The following ARID1B variants were observed in gnomAD, a reference collection of about 807,000 sequenced individuals.
ARID1B encodes AT-rich interaction domain 1B.
Under a neutral mutation model 212.3 loss-of-function variants are expected in ARID1B, and 30 were observed. The observed-to-expected ratio is 0.14, with a 90% CI of 0.11 to 0.19. The LOEUF (loss-of-function observed/expected upper bound fraction) is 0.19, where lower values mean the gene tolerates loss of function less well. Ranked by LOEUF, ARID1B falls within the 10% of genes least tolerant of loss-of-function variation. ARID1B has a pLI of 1.00. For missense variants in ARID1B, 2,891 were observed against 3,204.0 expected (o/e 0.90, Z 2.36); for synonymous variants, 1,402 against 1,301.7 (o/e 1.08, Z -1.66).
chr6:157,099,858 CTTG>C (rs1785942439), intron 5 of ARID1B, among the ~76,000 whole-genome samples: 1 of 152,166 alleles, frequency 6.6e-6, no homozygotes, highest in South Asian at 2.1e-4. Flanking sequence ...TGGGAGCTGT[CTTG>C]TTCTCTCAAG....
intron 4 of ARID1B, among the ~76,000 whole-genome samples, chr6:157,075,720 C>T (rs1784261761): frequency 6.6e-6 from 1 of 152,212 alleles, no homozygotes; most frequent in African/African-American, 2.4e-5. Flanking sequence ...CGCTATGGTA[C>T]GATATGAAGG....
intron 2 of ARID1B, among the ~76,000 whole-genome samples, chr6:156,880,044 G>T (rs757042133): frequency 6.6e-6 from 1 of 152,208 alleles, no homozygotes; most frequent in Non-Finnish European, 1.5e-5. Flanking sequence ...TGGGAGCCCA[G>T]ATGCCCCCTG....
intron 2 of ARID1B, among the ~76,000 whole-genome samples, chr6:156,881,225 G>A (rs1006590984): frequency 7.2e-5 from 11 of 152,112 alleles, no homozygotes; most frequent in African/African-American, 2.4e-5. Context: ...TGTTAATTAC[G>A]GCTCACTCAG....
chr6:156,922,462 A>G (rs1014312743), intron 3 of ARID1B, among the ~76,000 whole-genome samples: 1 of 152,264 alleles, frequency 6.6e-6, no homozygotes, highest in Admixed American at 6.5e-5. Flanking sequence ...GTGAGTCACC[A>G]TGCCTGGCCT....
rs74588204 is a variant in ARID1B, at chr6:157,065,801, C to T, written c.2248-18861C>T. Among the ~76,000 whole-genome samples, 1,348 of 152,282 alleles carry T rather than the reference C, an allele frequency of 8.9e-3. 24 individuals are homozygous for T. Among genetic ancestry groups the T allele is most frequent in the African/African-American group, 0.031 (1,298 of 41,546 alleles). On this transcript the variant is annotated intron_variant, in intron 4 of 19. Coordinates refer to ENST00000636930, the MANE Select transcript of ARID1B (RefSeq NM_001374828.1). The stretch of plus-strand genomic sequence containing the variant: ...TGGTTTATATTCTCTAATGCCATGA[C>T]AAATGACTATGCTGTCATTGTGTAG...
intron 4 of ARID1B, among the ~76,000 whole-genome samples, chr6:157,029,021 C>T (rs1780851129): frequency 6.6e-6 from 1 of 152,184 alleles, no homozygotes; most frequent in Non-Finnish European, 1.5e-5. Flanking sequence ...GAAGTCATTA[C>T]CTCTTAACTC....
At chr6:157,176,347 T>C (rs1360879187) in intron 11 of ARID1B, among the ~76,000 whole-genome samples, 2 of 152,210 alleles carry the variant, frequency 1.3e-5, no homozygotes, top group Non-Finnish European at 2.9e-5. Flanking sequence ...GCTTTGAGTC[T>C]CAGAAGGCAG....
intron 2 of ARID1B, among the ~76,000 whole-genome samples, chr6:156,832,310 G>C (rs1783197513): frequency 6.6e-6 from 1 of 152,160 alleles, no homozygotes; most frequent in South Asian, 2.1e-4. Context: ...ATTGGCTGCT[G>C]GTCCCATCCA....
chr6:157,053,756 T>C (rs952807130), intron 4 of ARID1B, among the ~76,000 whole-genome samples: 1 of 152,174 alleles, frequency 6.6e-6, no homozygotes, highest in Non-Finnish European at 1.5e-5. Context: ...TGATTTATTA[T>C]GATAGCATGA....
intron 9 of ARID1B, chr6:157,169,564 A>G (rs549065691): frequency 1.1e-3 from 166 of 152,328 alleles, no homozygotes; most frequent in African/African-American, 3.9e-3. Context: ...TCAATTATTT[A>G]GATTAAAAGG....
intron 2 of ARID1B, chr6:156,829,687 G>T: frequency 2.7e-6 from 1 of 369,024 alleles, no homozygotes; most frequent in South Asian, 5.0e-5. Flanking sequence ...TCATAAATTT[G>T]CAGCAGGTTA....
At chr6:156,986,879 T>TAGGTCTC (rs1777951746) in intron 4 of ARID1B, among the ~76,000 whole-genome samples, 21 of 152,146 alleles carry the variant, frequency 1.4e-4, no homozygotes, top group Non-Finnish European at 2.8e-4. Context: ...ATGTACTTTG[T>TAGGTCTC]ATTAATAAAA....
intron 1 of ARID1B, among the ~76,000 whole-genome samples, chr6:156,812,481 A>G (rs73790924): frequency 0.016 from 2,463 of 151,658 alleles, 68 homozygotes; most frequent in African/African-American, 0.057. Flanking sequence ...TTATAAGCTT[A>G]TTTTTGCAGT....
At chr6:156,812,933 G>GGGGT (rs758647303) in intron 1 of ARID1B, among the ~76,000 whole-genome samples, 4 of 89,436 alleles carry the variant, frequency 4.5e-5, no homozygotes, top group South Asian at 8.2e-4. Flanking sequence ...TATAATCCTG[G>GGGGT]GTGTGTGTGT....
At chr6:157,178,384 G>T (rs1175116747) in intron 11 of ARID1B, among the ~76,000 whole-genome samples, 1 of 152,210 alleles carries the variant, frequency 6.6e-6, no homozygotes, top group Non-Finnish European at 1.5e-5. Flanking sequence ...AGTCGGAAAA[G>T]TGGGTGTCAG....
intron 4 of ARID1B, among the ~76,000 whole-genome samples, chr6:156,992,371 T>C (rs79374694): frequency 0.018 from 2,724 of 152,322 alleles, 37 homozygotes; most frequent in Non-Finnish European, 0.027. Context: ...TATGTTAATA[T>C]CTCGTCATCT....
chr6:156,979,545 A>G (rs550474204), intron 4 of ARID1B, among the ~76,000 whole-genome samples: 1 of 150,574 alleles, frequency 6.6e-6, no homozygotes, highest in African/African-American at 2.5e-5. Context: ...AACATGAATT[A>G]TTTGAATCAG....
chr6:157,182,134 A>G (rs1792591102), intron 12 of ARID1B, among the ~76,000 whole-genome samples: 1 of 152,178 alleles, frequency 6.6e-6, no homozygotes, highest in African/African-American at 2.4e-5. Flanking sequence ...CTACAGTCCC[A>G]GCTGTTCAGG....
In ARID1B at chr6:157,210,023, T is replaced by C. The variant is rs1420140086; in HGVS notation, c.*2132T>C. ...TGTCGGTTCACATTACTCACAGTAA[T>C]ATATGGAAGAGTTAGACAAGAACAT... On this transcript the variant is annotated 3_prime_UTR_variant, in exon 20 of 20. Coordinates refer to ENST00000636930, the MANE Select transcript of ARID1B (RefSeq NM_001374828.1). 1.7e-5 allele frequency: 4 copies of C among 233,026 alleles called. No individual in the cohort carries two copies. Among genetic ancestry groups the C allele is most frequent in the Non-Finnish European group, 3.4e-5 (4 of 117,992 alleles). The allele number at this position is 233,026 out of a possible 1,614,324, so 14.4% of individuals were successfully genotyped here.
Sources: allele counts gnomAD v4.1 joint callset (sites outside exome capture counted in the v4.1 genomes callset), GRCh38; gene constraint gnomAD v4.1.1; transcripts MANE v1.5; gene names NCBI Gene and HGNC (gene_info 2026-07-23, HGNC 2026-07-21).